The following STK33 variants were observed in gnomAD, a reference collection of about 807,000 sequenced individuals.
STK33 encodes serine/threonine-protein kinase 33.
In STK33, 52 loss-of-function variants were observed where a neutral mutation model predicts 58.0. That is an observed-to-expected ratio of 0.90 (90% CI 0.72 to 1.13). The LOEUF (loss-of-function observed/expected upper bound fraction) is 1.13. Ranked by LOEUF, STK33 falls within the 50% of genes most tolerant of loss-of-function variation. The pLI is 0.00. For synonymous variants in STK33, 215 were observed against 200.1 expected, an observed-to-expected ratio of 1.07 and a Z score of -0.63; for missense variants, 630 against 604.2, an observed-to-expected ratio of 1.04 and a Z score of -0.45.
At chr11:8,454,315 G>T (rs1946604822) in intron 10 of STK33, among the ~76,000 whole-genome samples, 1 of 152,076 alleles carries the variant, frequency 6.6e-6, no homozygotes. Context: ...CACATTAATT[G>T]TACTTAGGAC....
At chr11:8,394,189 T>C (rs1219871118) in intron 15 of STK33, among the ~76,000 whole-genome samples, 1 of 152,198 alleles carries the variant, frequency 6.6e-6, no homozygotes, top group African/African-American at 2.4e-5. Flanking sequence ...GGTTGTATTT[T>C]TATCGAAAAC....
chr11:8,472,846 T>A (rs1948910110), intron 6 of STK33, among the ~76,000 whole-genome samples: 1 of 152,168 alleles, frequency 6.6e-6, no homozygotes, highest in African/African-American at 2.4e-5. Context: ...CTGGTCCATC[T>A]CTGCATCATG....
chr11:8,546,082 T>A (rs1955887979), intron 1 of STK33, among the ~76,000 whole-genome samples: 1 of 152,170 alleles, frequency 6.6e-6, no homozygotes, highest in South Asian at 2.1e-4. Flanking sequence ...ACAGATAAAA[T>A]ATTTTTTAAA....
rs1241379611 is a variant in STK33, at chr11:8,392,261, T to C, written c.*249A>G. On this transcript the variant is annotated 3_prime_UTR_variant, in exon 16 of 16. Transcript: ENST00000687296. ...CCCCCCTAAAAAACCTTCGTGTACATCTTGAGTTGATTTCCACTGCAGCCC... is the reference window on the plus strand; with the variant it reads ...CCCCCCTAAAAAACCTTCGTGTACACCTTGAGTTGATTTCCACTGCAGCCC... The C allele has an allele frequency of 1.9e-6, 1 of 521,112 alleles. No individual in the cohort carries two copies. Among genetic ancestry groups the C allele is most frequent in the Non-Finnish European group, 3.4e-6 (1 of 294,602 alleles). 32.3% of individuals were successfully genotyped at this position (521,112 alleles called of 1,614,324 possible).
At chr11:8,580,075 A>C (rs1315073294) in intron 1 of STK33, among the ~76,000 whole-genome samples, 1 of 152,184 alleles carries the variant, frequency 6.6e-6, no homozygotes, top group Non-Finnish European at 1.5e-5. Context: ...CAGAAAACTG[A>C]AAACAGAGCT....
chr11:8,518,176 G>A (rs936204420), intron 1 of STK33, among the ~76,000 whole-genome samples: 3 of 152,120 alleles, frequency 2.0e-5, no homozygotes, highest in African/African-American at 7.2e-5. Flanking sequence ...AAGAGAGTGG[G>A]GGCAAATATT....
the STK33 span, among the ~76,000 whole-genome samples, chr11:8,359,589 G>A: frequency 0.06 from 9,141 of 152,252 alleles, 308 homozygotes; most frequent in Non-Finnish European, 0.073. Flanking sequence ...AGGCCTGCGC[G>A]CCTCCTCAGT....
chr11:8,374,625 AC>A, the STK33 span, among the ~76,000 whole-genome samples: 53 of 152,294 alleles, frequency 3.5e-4, 1 homozygote, highest in Non-Finnish European at 6.6e-4. Flanking sequence ...CAAACTTGTG[AC>A]CACAATTAAC....
At chr11:8,555,565 T>C (rs1956681736) in intron 1 of STK33, among the ~76,000 whole-genome samples, 1 of 151,984 alleles carries the variant, frequency 6.6e-6, no homozygotes, top group Admixed American at 6.6e-5. Flanking sequence ...CTCGGGAGGC[T>C]GAGGTGAGAG....
intron 1 of STK33, among the ~76,000 whole-genome samples, chr11:8,497,071 CAAACAAA>C (rs1225359721): frequency 6.6e-6 from 1 of 151,662 alleles, no homozygotes; most frequent in Non-Finnish European, 1.5e-5. Context: ...CCACATATTA[CAAACAAA>C]AAATAAAAAA....
chr11:8,444,274 T>A (rs1945127759), intron 11 of STK33, among the ~76,000 whole-genome samples: 1 of 152,168 alleles, frequency 6.6e-6, no homozygotes, highest in Non-Finnish European at 1.5e-5. Flanking sequence ...ATATTTTTTC[T>A]CATTTAATTC....
chr11:8,469,694 A>C (rs1948589541), intron 6 of STK33, among the ~76,000 whole-genome samples: 2 of 152,232 alleles, frequency 1.3e-5, no homozygotes, highest in Admixed American at 6.5e-5. Context: ...TATGAAATTT[A>C]TCTCTTAAAT....
intron 1 of STK33, among the ~76,000 whole-genome samples, chr11:8,588,211 C>A (rs1206708768): frequency 6.6e-6 from 1 of 152,190 alleles, no homozygotes; most frequent in Non-Finnish European, 1.5e-5. Context: ...TAGACCTCAA[C>A]ATATGAATTC....
At chr11:8,551,594 T>A (rs564344723) in intron 1 of STK33, among the ~76,000 whole-genome samples, 1 of 152,332 alleles carries the variant, frequency 6.6e-6, no homozygotes, top group South Asian at 2.1e-4. Flanking sequence ...CTACCTCTCC[T>A]AGTTTTTACA....
At chr11:8,367,907 A>C in the STK33 span, among the ~76,000 whole-genome samples, 133,383 of 152,164 alleles carry the variant, frequency 0.88, 58,564 homozygotes, top group Middle Eastern at 0.97. Context: ...CACACGCCCA[A>C]ACCCAGGCTA....
At chr11:8,394,848 T>C (rs1849066438) in intron 15 of STK33, among the ~76,000 whole-genome samples, 1 of 152,170 alleles carries the variant, frequency 6.6e-6, no homozygotes, top group African/African-American at 2.4e-5. Flanking sequence ...AGAAAATGAT[T>C]TTCCTCAGCC....
At chr11:8,418,744 C>A (rs1302470421) in intron 14 of STK33, among the ~76,000 whole-genome samples, 1 of 152,166 alleles carries the variant, frequency 6.6e-6, no homozygotes, top group Non-Finnish European at 1.5e-5. Context: ...TCCACAACCT[C>A]ACCAGCATTT....
intron 1 of STK33, among the ~76,000 whole-genome samples, chr11:8,591,544 A>G (rs1274448676): frequency 6.6e-6 from 1 of 152,178 alleles, no homozygotes; most frequent in Non-Finnish European, 1.5e-5. Context: ...TACTCTCACT[A>G]TAACAAGAGT....
At chr11:8,415,385 G>C (rs1274884070) in intron 14 of STK33, among the ~76,000 whole-genome samples, 1 of 152,094 alleles carries the variant, frequency 6.6e-6, no homozygotes, top group Non-Finnish European at 1.5e-5. Context: ...ATGACCATGT[G>C]CCTTACTTTG....
Sources: gnomAD v4.1 joint callset for allele counts (sites outside exome capture counted in the v4.1 genomes callset) on GRCh38, gnomAD v4.1.1 for gene constraint, MANE v1.5 for transcripts, NCBI Gene and HGNC (gene_info 2026-07-23, HGNC 2026-07-21) for gene names.